The following IPO9 variants were observed in gnomAD, a reference collection of about 807,000 sequenced individuals.
IPO9 encodes importin-9.
Under a neutral mutation model 128.6 loss-of-function variants are expected in IPO9, and 28 were observed. The ratio of observed to expected loss-of-function variants is 0.22; its 90% CI spans 0.16 to 0.30. The LOEUF (loss-of-function observed/expected upper bound fraction) is 0.30. Ranked by LOEUF, IPO9 falls within the 10% of genes least tolerant of loss-of-function variation. The pLI is 1.00. For missense variants in IPO9, 935 were observed against 1,293.9 expected (o/e 0.72, Z 4.26); for synonymous variants, 455 against 475.8 (o/e 0.96, Z 0.57).
Position 201,874,898 on chromosome 1 carries a change from G to T in IPO9, c.2900G>T (p.Gly967Val). ...GAGGAGGAGGAGGATGGTTTAGCTGGCCAACTTTTATCTGACATTCTTGCT... is the reference window on the plus strand; with the variant it reads ...GAGGAGGAGGAGGATGGTTTAGCTGTCCAACTTTTATCTGACATTCTTGCT... The part of the protein sequence containing the change: ...EEEEEEDGLA[G>V]QLLSDILATS... Residue 967 changes from glycine to valine, a missense_variant, in exon 22 of 24, where the codon GGC (glycine) becomes GTC (valine). This residue lies in a region of IPO9 where 188 missense variants were observed against 246.7 expected (regional missense o/e 0.76). Coordinates refer to ENST00000361565, the MANE Select transcript of IPO9 (RefSeq NM_018085.5). The T allele has an allele frequency of 6.2e-7, 1 of 1,613,604 alleles. No homozygotes were observed. The highest frequency in any genetic ancestry group is 8.5e-7 in the Non-Finnish European group (1 of 1,179,522).
At chr1:201,874,970 A>G (rs755592120) in intron 22 of IPO9, 34 bp downstream of exon 22, 1 of 1,503,748 alleles carries the variant, frequency 6.7e-7, no homozygotes. Flanking sequence ...GCCATGGTAA[A>G]TACCTTTTCT....
chr1:201,872,896 G>A lies in IPO9; in HGVS notation c.2645G>A (p.Arg882His), dbSNP rs373531363. The change falls in exon 20 of 24, where the codon CGT becomes CAT. Residue 882 changes from arginine (R) to histidine (H), a missense_variant. Physicochemically the swap from Arg to His is conservative, Grantham distance 29. Transcript: ENST00000361565. ...GATGACAAACGGCTACAGGATATCCGTGTGAAGGGAGAGGAGATCTACAGC... is the reference window on the plus strand; with the variant it reads ...GATGACAAACGGCTACAGGATATCCATGTGAAGGGAGAGGAGATCTACAGC... ...NADDKRLQDI[R>H]VKGEEIYSMD... 26 of 1,613,916 alleles carry A rather than the reference G, an allele frequency of 1.6e-5. No individual in the cohort carries two copies. Among genetic ancestry groups the A allele is most frequent in the Admixed American group, 1.3e-4 (8 of 59,998 alleles).
chr1:201,832,048 C>T (rs1293418019), intron 1 of IPO9, among the ~76,000 whole-genome samples: 4 of 148,134 alleles, frequency 2.7e-5, no homozygotes, highest in Non-Finnish European at 6.0e-5. Context: ...ATTACAGGCA[C>T]CTGCCACCAT....
chr1:201,863,715 T>TA, intron 14 of IPO9, 108 bp downstream of exon 14: 1 of 1,028,680 alleles, frequency 9.7e-7, no homozygotes, highest in Non-Finnish European at 1.4e-6. Flanking sequence ...CTGCTAATGA[T>TA]ATCCTTCAGG....
Position 201,874,836 on chromosome 1 carries a change from C to T in IPO9, c.2838C>T (p.Asp946=). 1.9e-6 allele frequency: 3 copies of T among 1,609,376 alleles called. No homozygotes were observed. The highest frequency in any genetic ancestry group is 2.6e-6 in the Non-Finnish European group (3 of 1,175,792). The change falls in exon 22 of 24, where the codon GAC becomes GAT. Residue 946 remains aspartate (D), a synonymous_variant. Coordinates refer to ENST00000361565, the MANE Select transcript of IPO9 (RefSeq NM_018085.5). ...CTGCTTTTCATCTCCAAGTAGATGA[C>T]TCCAATGATATGTGGGAGGACCAGG... The part of the protein sequence containing the change: ...QATPAEWSQD[D]SNDMWEDQEE...
intron 13 of IPO9, among the ~76,000 whole-genome samples, chr1:201,859,946 G>A (rs1680411409): frequency 6.6e-6 from 1 of 151,116 alleles, no homozygotes; most frequent in African/African-American, 2.4e-5. Flanking sequence ...GTGACAGAGC[G>A]AGACTTGGTT....
intron 19 of IPO9, among the ~76,000 whole-genome samples, 173 bp from the exon 20 acceptor site, chr1:201,872,655 C>T (rs1285322900): frequency 6.6e-6 from 1 of 152,064 alleles, no homozygotes; most frequent in Non-Finnish European, 1.5e-5. Context: ...CTCATTAAAC[C>T]ACCTCATGAA....
At chr1:201,867,018 A>T in intron 15 of IPO9, 59 bp downstream of exon 15, 1 of 1,364,690 alleles carries the variant, frequency 7.3e-7, no homozygotes, top group Non-Finnish European at 1.0e-6. Flanking sequence ...GTGGCTGGTG[A>T]ATTTAAATGA....
Position 201,857,126 on chromosome 1 carries a change from T to G in IPO9, c.1153T>G (p.Phe385Val). 1 of 1,612,912 alleles carries G rather than the reference T, an allele frequency of 6.2e-7. No homozygotes were observed. The highest frequency in any genetic ancestry group is 8.5e-7 in the Non-Finnish European group (1 of 1,178,872). The change falls in exon 11 of 24, where the codon TTT (phenylalanine) becomes GTT (valine). Residue 385 changes from phenylalanine (F) to valine (V), a missense_variant. Transcript: ENST00000361565. ...IKVWTANPQQ[F>V]VEDEDDDTFS... ...AGTATGGACAGCCAACCCCCAACAATTTGTAGAAGATGAAGATGATGATAC... is the reference window on the plus strand; with the variant it reads ...AGTATGGACAGCCAACCCCCAACAAGTTGTAGAAGATGAAGATGATGATAC...
chr1:201,876,499 A>C lies in IPO9; in HGVS notation c.*445A>C. 2 of 290,936 alleles carry C rather than the reference A, an allele frequency of 6.9e-6. No individual in the cohort carries two copies. The highest frequency in any genetic ancestry group is 3.3e-5 in the South Asian group (1 of 30,026). The allele number at this position is 290,936 out of a possible 1,614,324, so 18.0% of individuals were successfully genotyped here. ...GTGTTCAGATAGGAATCCTCATGAGAGATCATTATGCTTTGTGCCCTGGAC... is the reference window on the plus strand; with the variant it reads ...GTGTTCAGATAGGAATCCTCATGAGCGATCATTATGCTTTGTGCCCTGGAC... On this transcript the variant is annotated 3_prime_UTR_variant, in exon 24 of 24. Transcript: ENST00000361565.
In IPO9 at chr1:201,869,671, G is replaced by T. The variant is rs778517448; in HGVS notation, c.2086G>T (p.Ala696Ser). 1 of 1,614,168 alleles carries T rather than the reference G, an allele frequency of 6.2e-7. No homozygotes were observed. Among genetic ancestry groups the T allele is most frequent in the Non-Finnish European group, 8.5e-7 (1 of 1,180,018 alleles). ...GCTTCTCATCTGCCAAGCTTTCCCT[G>T]CTGTGGCACAGTGTACCCTTCACAC... is the stretch of plus-strand genomic sequence containing the variant. ...SQLLICQAFP[A>S]VAQCTLHTDD... The change falls in exon 17 of 24, where the codon GCT becomes TCT. Residue 696 changes from alanine (A) to serine (S), a missense_variant. Coordinates refer to ENST00000361565, the MANE Select transcript of IPO9 (RefSeq NM_018085.5).
At position 201,868,806 on chromosome 1, in the gene IPO9, C is replaced by CGTGT. The variant is rs34353605; in HGVS notation, c.2004+30_2004+33dup. 147 of 1,348,206 alleles carry CGTGT rather than the reference C, an allele frequency of 1.1e-4. No individual in the cohort carries two copies. Among genetic ancestry groups the CGTGT allele is most frequent in the African/African-American group, 1.9e-4 (13 of 69,782 alleles). 83.5% of individuals were successfully genotyped at this position (1,348,206 alleles called of 1,614,324 possible). The stretch of plus-strand genomic sequence containing the variant: ...TGCAGGGCTTTGTGCGGTAAGTGGC[C>CGTGT]GTGTGTGTGTGTGTGTGTGTGTGAG... On this transcript the variant is annotated intron_variant, in intron 16 of 23. Transcript: ENST00000361565.
intron 14 of IPO9, among the ~76,000 whole-genome samples, chr1:201,864,482 G>A (rs1235053628): frequency 2.0e-5 from 3 of 152,196 alleles, no homozygotes; most frequent in Non-Finnish European, 4.4e-5. Flanking sequence ...GCTGCTTAAG[G>A]CATGAATGTT....
intron 1 of IPO9, among the ~76,000 whole-genome samples, chr1:201,835,447 A>T (rs1445534920): frequency 6.6e-6 from 1 of 152,218 alleles, no homozygotes; most frequent in Non-Finnish European, 1.5e-5. Context: ...AGGGCAGAGG[A>T]TTTCTTAGGA....
intron 1 of IPO9, among the ~76,000 whole-genome samples, chr1:201,838,743 G>T (rs1679984677): frequency 6.6e-6 from 1 of 151,680 alleles, no homozygotes; most frequent in Non-Finnish European, 1.5e-5. Flanking sequence ...TAATAAGAAT[G>T]AATTAAGAAT....
intron 1 of IPO9, among the ~76,000 whole-genome samples, chr1:201,837,177 G>T (rs1195855534): frequency 6.6e-6 from 1 of 152,128 alleles, no homozygotes; most frequent in Non-Finnish European, 1.5e-5. Flanking sequence ...AAGCAAGGTG[G>T]TTAGTGGAAT....
intron 1 of IPO9, among the ~76,000 whole-genome samples, chr1:201,839,711 A>G (rs1436583779): frequency 1.3e-5 from 2 of 152,158 alleles, no homozygotes; most frequent in African/African-American, 4.8e-5. Flanking sequence ...ACTAGAGGAA[A>G]ACATGGGTGA....
At chr1:201,852,294 A>C (rs1680234558) in intron 5 of IPO9, 102 bp downstream of exon 5, 1 of 661,640 alleles carries the variant, frequency 1.5e-6, no homozygotes, top group Admixed American at 2.8e-5. Flanking sequence ...CTCAATACCT[A>C]AAAACTAGAA....
rs935932712 is a variant in IPO9, at chr1:201,834,186, G to A, written c.163+4814G>A. Among the ~76,000 whole-genome samples the A allele has an allele frequency of 3.0e-4, 4 of 13,232 alleles. 1 individual carries two copies. Among genetic ancestry groups the A allele is most frequent in the African/African-American group, 5.0e-4 (4 of 8,040 alleles). The allele number at this position is 13,232 out of a possible 152,430, so 8.7% of individuals were successfully genotyped here. A position where few individuals can be genotyped will look rare whatever the true frequency, so the allele number is the denominator to read the frequency against. On this transcript the variant is annotated intron_variant, in intron 1 of 23. Coordinates refer to ENST00000361565, the MANE Select transcript of IPO9 (RefSeq NM_018085.5). ...TTTTTTTAAGTTTTTTTATTCGTTAGAGTAAAAAAACTTTTCTTTTCTTTT... is the reference window on the plus strand; with the variant it reads ...TTTTTTTAAGTTTTTTTATTCGTTAAAGTAAAAAAACTTTTCTTTTCTTTT...
Sources: gnomAD v4.1 joint callset for allele counts (sites outside exome capture counted in the v4.1 genomes callset) on GRCh38, gnomAD v4.1.1 for gene constraint, gnomAD v4.1.1 regional missense constraint, MANE v1.5 for transcripts, NCBI Gene and HGNC (gene_info 2026-07-23, HGNC 2026-07-21) for gene names.